Variants in PRKCI observed in about 807,000 individuals in gnomAD.
The protein encoded by PRKCI is protein kinase C iota type.
Under a neutral mutation model 84.0 loss-of-function variants are expected in PRKCI, and 43 were observed. The ratio of observed to expected loss-of-function variants is 0.51; its 90% CI spans 0.40 to 0.66. PRKCI has a LOEUF of 0.66. PRKCI is among the 30% of genes least tolerant of loss of function. The probability of loss-of-function intolerance (pLI) is 0.00; values close to 1 mark genes in which losing one functional copy is unlikely to be tolerated. For missense variants in PRKCI, 459 were observed against 745.6 expected, an observed-to-expected ratio of 0.62 and a Z score of 4.48; for synonymous variants, 216 against 234.4, an observed-to-expected ratio of 0.92 and a Z score of 0.72.
chr3:170,255,645 A>G (rs995645666), intron 2 of PRKCI, among the ~76,000 whole-genome samples: 5 of 152,114 alleles, frequency 3.3e-5, no homozygotes, highest in Non-Finnish European at 7.4e-5. Context: ...GATGCCCTTT[A>G]TTTCTTTCTC....
intron 2 of PRKCI, among the ~76,000 whole-genome samples, chr3:170,236,241 C>T (rs1432759559): frequency 6.6e-6 from 1 of 151,530 alleles, no homozygotes; most frequent in Non-Finnish European, 1.5e-5. Flanking sequence ...AGCTGGGATA[C>T]AGGGGTGCAC....
At chr3:170,277,066 C>T (rs77351784) in intron 8 of PRKCI, among the ~76,000 whole-genome samples, 4 of 147,932 alleles carry the variant, frequency 2.7e-5, no homozygotes, top group African/African-American at 1.0e-4. Context: ...CATAGTGAAA[C>T]CCCATGTCTA....
chr3:170,230,327 G>A (rs1307764013), intron 1 of PRKCI, among the ~76,000 whole-genome samples: 8 of 151,932 alleles, frequency 5.3e-5, no homozygotes, highest in Non-Finnish European at 1.2e-4. Flanking sequence ...CACAACACCC[G>A]GCTAATTTTT....
intron 12 of PRKCI, among the ~76,000 whole-genome samples, chr3:170,288,397 G>T (rs1252906865): frequency 6.6e-6 from 1 of 152,028 alleles, no homozygotes; most frequent in Non-Finnish European, 1.5e-5. Flanking sequence ...GATCTTTATC[G>T]AGTAGGTCTT....
At chr3:170,263,124 G>A (rs1351628296) in intron 3 of PRKCI, among the ~76,000 whole-genome samples, 10 of 149,998 alleles carry the variant, frequency 6.7e-5, no homozygotes, top group Middle Eastern at 6.9e-3. Context: ...AGTCGAGATC[G>A]CGCCACTGCA....
chr3:170,257,959 T>G (rs1700773188), intron 2 of PRKCI, among the ~76,000 whole-genome samples: 1 of 152,032 alleles, frequency 6.6e-6, no homozygotes, highest in Non-Finnish European at 1.5e-5. Context: ...CCACTGCACC[T>G]GGCCTGAAAG....
At chr3:170,235,409 T>G in intron 2 of PRKCI, 58 bp downstream of exon 2, 1 of 1,574,512 alleles carries the variant, frequency 6.4e-7, no homozygotes, top group East Asian at 2.3e-5. Flanking sequence ...TTCTATCATT[T>G]GTTGTAAAAA....
chr3:170,266,885 C>T (rs181834795), intron 4 of PRKCI, among the ~76,000 whole-genome samples: 53 of 152,236 alleles, frequency 3.5e-4, no homozygotes, highest in Middle Eastern at 3.4e-3. Context: ...CCCAGCTACT[C>T]GGGTGGCCGA....
At chr3:170,299,388 C>T (rs539556584) in intron 17 of PRKCI, among the ~76,000 whole-genome samples, 99 of 152,268 alleles carry the variant, frequency 6.5e-4, no homozygotes, top group Non-Finnish European at 1.2e-3. Context: ...CCGCCACGCC[C>T]AGCTAATTTT....
chr3:170,299,406 T>A (rs1734768680), intron 17 of PRKCI, among the ~76,000 whole-genome samples: 1 of 152,186 alleles, frequency 6.6e-6, no homozygotes, highest in Admixed American at 6.5e-5. Flanking sequence ...TTTTGTATTT[T>A]TAGTAAGGAC....
chr3:170,281,091 T>C (rs1560181594), intron 9 of PRKCI, 75 bp from the exon 10 acceptor site: 17 of 1,249,904 alleles, frequency 1.4e-5, no homozygotes, highest in Non-Finnish European at 1.7e-5. Context: ...TTTGTGACCA[T>C]TGAATTGCTC....
intron 11 of PRKCI, 89 bp downstream of exon 11, chr3:170,282,057 T>G: frequency 7.5e-7 from 1 of 1,340,132 alleles, no homozygotes; most frequent in Non-Finnish European, 1.0e-6. Flanking sequence ...GATAAATAAT[T>G]TATTTTGATA....
rs1166708199 is a variant in PRKCI at position 170,275,295 on chromosome 3, A to T, written c.705+8A>T. The T allele has an allele frequency of 2.5e-6, 4 of 1,597,720 alleles. No homozygotes were observed. The highest frequency in any genetic ancestry group is 3.4e-6 in the Non-Finnish European group (4 of 1,174,098). ...GTTGGTGAAGAAAAAGAGGTAAGAT[A>T]ATTTGTCTTATTGTACATTATATCA... On this transcript the variant is annotated splice_region_variant and intron_variant, in intron 8 of 17. Transcript: ENST00000295797.
chr3:170,264,198 A>T, intron 4 of PRKCI, among the ~76,000 whole-genome samples: 1 of 151,332 alleles, frequency 6.6e-6, no homozygotes, highest in Non-Finnish European at 1.5e-5. Flanking sequence ...CTTGAGACTG[A>T]CATGACACTC....
chr3:170,265,909 C>A (rs373582010), intron 4 of PRKCI, among the ~76,000 whole-genome samples: 1 of 152,124 alleles, frequency 6.6e-6, no homozygotes, highest in South Asian at 2.1e-4. Flanking sequence ...GCGTGAGCCA[C>A]CGCGCCCGGC....
chr3:170,281,286 T>G (rs763337297), intron 10 of PRKCI, 23 bp downstream of exon 10: 29 of 1,588,404 alleles, frequency 1.8e-5, no homozygotes, highest in Non-Finnish European at 2.5e-5. Flanking sequence ...GATAGTAGAA[T>G]GATTACTGGG....
intron 2 of PRKCI, among the ~76,000 whole-genome samples, chr3:170,252,108 GGAGGCT>G (rs1292366843): frequency 2.6e-5 from 4 of 151,898 alleles, no homozygotes; most frequent in Admixed American, 2.6e-4. Context: ...CAGCTGCTGG[GGAGGCT>G]GAGGCAGGAA....
At chr3:170,255,055 C>CT (rs34437904) in intron 2 of PRKCI, among the ~76,000 whole-genome samples, 47 of 38,832 alleles carry the variant, frequency 1.2e-3, no homozygotes, top group South Asian at 3.6e-3. Flanking sequence ...AGATCTTTCA[C>CT]TTTTTTTTTT....
intron 2 of PRKCI, among the ~76,000 whole-genome samples, chr3:170,242,800 A>G (rs1229150134): frequency 6.6e-6 from 1 of 151,780 alleles, no homozygotes; most frequent in Admixed American, 6.6e-5. Flanking sequence ...CCTCCCGAGT[A>G]GCTGGGATTA....
Sources: gnomAD v4.1 joint callset for allele counts (sites outside exome capture counted in the v4.1 genomes callset) on GRCh38, gnomAD v4.1.1 for gene constraint, MANE v1.5 for transcripts, NCBI Gene and HGNC (gene_info 2026-07-23, HGNC 2026-07-21) for gene names.